Variants in ZNF354C observed in about 807,000 individuals in gnomAD.
ZNF354C encodes KRAB-zinc finger protein synten.
Under a neutral mutation model 12.4 loss-of-function variants are expected in ZNF354C, and 7 were observed. The ratio of observed to expected loss-of-function variants is 0.56; its 90% CI spans 0.32 to 1.06. ZNF354C has a LOEUF of 1.06. Ranked by LOEUF, ZNF354C falls within the 50% of genes least tolerant of loss-of-function variation. The pLI is 0.04. For missense variants in ZNF354C, 609 were observed against 658.0 expected, an observed-to-expected ratio of 0.93 and a Z score of 0.81; for synonymous variants, 202 against 224.5, an observed-to-expected ratio of 0.90 and a Z score of 0.90.
chr5:179,074,709 C>G (rs765298106), intron 2 of ZNF354C, among the ~76,000 whole-genome samples: 1 of 152,108 alleles, frequency 6.6e-6, no homozygotes, highest in Non-Finnish European at 1.5e-5. Context: ...GTACCCTTTG[C>G]CTTTCAATAA....
At chr5:179,062,342 G>C (rs1005104842) in intron 2 of ZNF354C, among the ~76,000 whole-genome samples, 8 of 152,162 alleles carry the variant, frequency 5.3e-5, no homozygotes, top group Non-Finnish European at 2.9e-5. Flanking sequence ...GCAGTTCTGA[G>C]CATATGCTTC....
chr5:179,080,055 G>A lies in ZNF354C; in HGVS notation c.1623G>A (p.Gln541=). 1 of 1,599,834 alleles carries A rather than the reference G, an allele frequency of 6.3e-7. No individual in the cohort carries two copies. Among genetic ancestry groups the A allele is most frequent in the Non-Finnish European group, 8.5e-7 (1 of 1,175,538 alleles). ...TCATCTGCAGCTCCTCACTTACCCA[G>A]TATCAGAGATTTTTTAAAGGAGATA... ...KPFICSSSLT[Q]YQRFFKGDKA... Residue 541 remains glutamine (Q), a synonymous_variant, in exon 5 of 5, where the codon CAG becomes CAA. Coordinates refer to ENST00000315475, the MANE Select transcript of ZNF354C (RefSeq NM_014594.3).
chr5:179,076,406 G>A, intron 2 of ZNF354C, 39 bp from the exon 3 acceptor site: 1 of 1,611,908 alleles, frequency 6.2e-7, no homozygotes, highest in East Asian at 2.2e-5. Context: ...CGTTGAAGAA[G>A]ATGGTCCTGG....
In ZNF354C at chr5:179,079,200, A is replaced by T; in HGVS notation, c.768A>T (p.Arg256Ser). 1.2e-6 allele frequency: 2 copies of T among 1,613,954 alleles called. No individual in the cohort carries two copies. Among genetic ancestry groups the T allele is most frequent in the Non-Finnish European group, 1.7e-6 (2 of 1,179,990 alleles). Residue 256 changes from arginine to serine, a missense_variant, in exon 5 of 5, where the codon AGA becomes AGT. Coordinates refer to ENST00000315475, the MANE Select transcript of ZNF354C (RefSeq NM_014594.3). This position sits in a 1 kb window ranked among gnomAD's most constrained non-coding sequence, Gnocchi z 4.2. ...AGTGTGAAAAAACCTTCAGCCACAG[A>T]TCATCCCTTCTTTCTCATCAGAGAA... is the stretch of plus-strand genomic sequence containing the variant. ...CNECEKTFSHRSSLLSHQRIH... is the reference protein window; with the variant it reads ...CNECEKTFSHSSSLLSHQRIH...
Position 179,079,469 on chromosome 5 carries a change from A to G in ZNF354C, c.1037A>G (p.His346Arg). Residue 346 changes from histidine to arginine, a missense_variant, in exon 5 of 5, where the codon CAT (histidine) becomes CGT (arginine). By Grantham distance (29) the His-to-Arg change is conservative (BLOSUM62 0). Coordinates refer to ENST00000315475, the MANE Select transcript of ZNF354C (RefSeq NM_014594.3). This position sits in a 1 kb window ranked among gnomAD's most constrained non-coding sequence, Gnocchi z 4.2. Reference sequence around the variant, plus strand: ...AACTGTAGAGCAAAACTTCACAGGCATCAAAGAATCCATACAGGTGAGAAA... The same window carrying G: ...AACTGTAGAGCAAAACTTCACAGGCGTCAAAGAATCCATACAGGTGAGAAA... ...AFNCRAKLHR[H>R]QRIHTGEKPY... 1 of 1,614,178 alleles carries G rather than the reference A, an allele frequency of 6.2e-7. No homozygotes were observed. The highest frequency in any genetic ancestry group is 8.5e-7 in the Non-Finnish European group (1 of 1,180,022).
chr5:179,065,919 T>C (rs1029612093), intron 2 of ZNF354C, among the ~76,000 whole-genome samples: 1 of 152,200 alleles, frequency 6.6e-6, no homozygotes. Context: ...GTTTGTCAAG[T>C]CTCTCCACTC....
intron 2 of ZNF354C, among the ~76,000 whole-genome samples, chr5:179,065,636 G>A (rs533291441): frequency 5.8e-4 from 89 of 152,150 alleles, no homozygotes; most frequent in African/African-American, 2.0e-3. Flanking sequence ...GGCTGGTCTC[G>A]AACTCTTGGC....
At position 179,060,979 on chromosome 5, in the gene ZNF354C, C is replaced by G; in HGVS notation, c.-55+313C>G. ...GCTAGGATCAGGATTGCCTTCCCGG[C>G]CCTTATGACTTTGGGCAGGTCACGA... is the stretch of plus-strand genomic sequence containing the variant. On this transcript the variant is annotated intron_variant, in intron 1 of 4. Transcript: ENST00000315475. The surrounding 1 kb of genome is among the most constrained non-coding windows in gnomAD (Gnocchi z 4.2). Among the ~76,000 whole-genome samples the G allele has an allele frequency of 6.6e-6, 1 of 152,200 alleles. No individual in the cohort carries two copies. The highest frequency in any genetic ancestry group is 1.5e-5 in the Non-Finnish European group (1 of 68,040).
chr5:179,077,029 T>C (rs562657740), intron 3 of ZNF354C, 42 bp from the exon 4 acceptor site: 1 of 1,560,644 alleles, frequency 6.4e-7, no homozygotes, highest in African/African-American at 1.4e-5. Context: ...GGATTGGTCT[T>C]CATGCTATTT....
chr5:179,070,480 C>A (rs932322424), intron 2 of ZNF354C, among the ~76,000 whole-genome samples: 2 of 152,150 alleles, frequency 1.3e-5, no homozygotes, highest in African/African-American at 4.8e-5. Context: ...CAACAGTATT[C>A]TCACAAGTCT....
intron 2 of ZNF354C, 33 bp from the exon 3 acceptor site, chr5:179,076,412 C>T (rs745575670): frequency 6.2e-7 from 1 of 1,613,814 alleles, no homozygotes; most frequent in South Asian, 1.1e-5. Flanking sequence ...AGAAGATGGT[C>T]CTGGGTGAGC....
intron 2 of ZNF354C, among the ~76,000 whole-genome samples, chr5:179,064,350 A>G (rs1341441098): frequency 1.3e-5 from 2 of 150,184 alleles, no homozygotes; most frequent in Non-Finnish European, 2.9e-5. Context: ...GGCTCCTGCG[A>G]TCCTCCTGCC....
chr5:179,067,929 G>A (rs959464174), intron 2 of ZNF354C, among the ~76,000 whole-genome samples: 1 of 152,052 alleles, frequency 6.6e-6, no homozygotes, highest in Non-Finnish European at 1.5e-5. Context: ...GGAAGCTAAG[G>A]TGGAGGAATG....
intron 2 of ZNF354C, among the ~76,000 whole-genome samples, chr5:179,064,103 G>A (rs549760492): frequency 2.0e-5 from 3 of 152,338 alleles, no homozygotes; most frequent in Admixed American, 2.0e-4. Flanking sequence ...TACATCCACA[G>A]CAGGAGAGAC....
In ZNF354C at chr5:179,083,127, C is replaced by T. The variant is rs1443888789; in HGVS notation, c.*3030C>T. ...TTTTCAAAAAGCAAATGTAGTAAAACAAAAAGTGGTCTCTGCTAGATTAAG... is the reference window on the plus strand; with the variant it reads ...TTTTCAAAAAGCAAATGTAGTAAAATAAAAAGTGGTCTCTGCTAGATTAAG... On this transcript the variant is annotated 3_prime_UTR_variant, in exon 5 of 5. Transcript: ENST00000315475. 1.3e-5 allele frequency: 7 copies of T among 550,442 alleles called. No homozygotes were observed. The highest frequency in any genetic ancestry group is 2.9e-5 in the Admixed American group (1 of 34,912). The allele number at this position is 550,442 out of a possible 1,614,324, so 34.1% of individuals were successfully genotyped here.
rs1244504443 is a variant in ZNF354C at position 179,079,118 on chromosome 5, T to C, written c.686T>C (p.Leu229Pro). 7.4e-6 allele frequency: 12 copies of C among 1,613,746 alleles called. No homozygotes were observed. Among genetic ancestry groups the C allele is most frequent in the Non-Finnish European group, 9.3e-6 (11 of 1,180,020 alleles). The stretch of plus-strand genomic sequence containing the variant: ...TGTGGGAAGAGCTTCAAGCAGAATC[T>C]GCATCTTATTGAACATCAGAGAATT... ...NECGKSFKQN[L>P]HLIEHQRIHT... Residue 229 changes from leucine (L) to proline (P), a missense_variant, in exon 5 of 5, where the codon CTG (leucine) becomes CCG (proline). Leu to Pro is a moderately conservative substitution (Grantham distance 98, BLOSUM62 -3). Transcript: ENST00000315475. This position sits in a 1 kb window ranked among gnomAD's most constrained non-coding sequence, Gnocchi z 4.2.
At position 179,080,478 on chromosome 5, in the gene ZNF354C, T is replaced by G. The variant is rs899140382; in HGVS notation, c.*381T>G. 5 of 153,284 alleles carry G rather than the reference T, an allele frequency of 3.3e-5. No individual in the cohort carries two copies. The highest frequency in any genetic ancestry group is 1.2e-4 in the African/African-American group (5 of 41,488). 9.5% of individuals were successfully genotyped at this position (153,284 alleles called of 1,614,324 possible). ...TCACTGAGTTAATAATGTAAATAAG[T>G]GTGTGGCCTTCTTTAAAATAGCTGG... On this transcript the variant is annotated 3_prime_UTR_variant, in exon 5 of 5. Coordinates refer to ENST00000315475, the MANE Select transcript of ZNF354C (RefSeq NM_014594.3).
Position 179,082,962 on chromosome 5 carries a change from T to C in ZNF354C, c.*2865T>C, listed in dbSNP as rs1220723583. ...GAGCTCAAGGCCATCCTCAACTTCT[T>C]TCATATGGAAAAAGAGCTTCTTGCT... On this transcript the variant is annotated 3_prime_UTR_variant, in exon 5 of 5. Transcript: ENST00000315475. The C allele has an allele frequency of 3.6e-6, 3 of 825,886 alleles. No individual in the cohort carries two copies. Among genetic ancestry groups the C allele is most frequent in the Non-Finnish European group, 6.2e-6 (3 of 483,884 alleles). 51.2% of individuals were successfully genotyped at this position (825,886 alleles called of 1,614,324 possible). A position where few individuals can be genotyped will look rare whatever the true frequency, so the allele number is the denominator to read the frequency against.
At chr5:179,073,783 G>A (rs1338558008) in intron 2 of ZNF354C, among the ~76,000 whole-genome samples, 3 of 152,056 alleles carry the variant, frequency 2.0e-5, no homozygotes, top group Non-Finnish European at 2.9e-5. Flanking sequence ...AGCCTCCTGA[G>A]TAGCTGGGAC....
Sources: allele counts gnomAD v4.1 joint callset (sites outside exome capture counted in the v4.1 genomes callset), GRCh38; gene constraint gnomAD v4.1.1; non-coding constraint Gnocchi (gnomAD v3.1); transcripts MANE v1.5; gene names NCBI Gene and HGNC (gene_info 2026-07-23, HGNC 2026-07-21).